PPP2R5E: variants seen among roughly 807,000 people sequenced by gnomAD.
PPP2R5E encodes serine/threonine-protein phosphatase 2A 56 kDa regulatory subunit epsilon isoform.
In PPP2R5E, 4 loss-of-function variants were observed where a neutral mutation model predicts 65.3. That is an observed-to-expected ratio of 0.06 (90% CI 0.03 to 0.14). The LOEUF is 0.14. PPP2R5E is among the 10% of genes least tolerant of loss of function. The pLI, the probability that PPP2R5E is intolerant of heterozygous loss-of-function variation, is 1.00. For missense variants in PPP2R5E, 274 were observed against 556.1 expected, an observed-to-expected ratio of 0.49 and a Z score of 5.10; for synonymous variants, 183 against 187.4, an observed-to-expected ratio of 0.98 and a Z score of 0.19.
chr14:63,508,174 T>G, intron 2 of PPP2R5E: 2 of 985,622 alleles, frequency 2.0e-6, no homozygotes, highest in Non-Finnish European at 2.4e-6. Flanking sequence ...CATTACCAAG[T>G]GTGTGCTCTT....
At chr14:63,470,087 T>C (rs1890040003) in intron 2 of PPP2R5E, among the ~76,000 whole-genome samples, 1 of 152,004 alleles carries the variant, frequency 6.6e-6, no homozygotes, top group Non-Finnish European at 1.5e-5. Flanking sequence ...CCCCACTTTT[T>C]TTGAGACAAG....
intron 4 of PPP2R5E, among the ~76,000 whole-genome samples, chr14:63,419,036 G>A (rs776336525): frequency 1.3e-5 from 2 of 151,942 alleles, no homozygotes; most frequent in African/African-American, 4.8e-5. Flanking sequence ...TCATAGAGGC[G>A]AGGTTTCACT....
At chr14:63,402,771 T>C (rs1053580036) in intron 5 of PPP2R5E, among the ~76,000 whole-genome samples, 2 of 151,852 alleles carry the variant, frequency 1.3e-5, no homozygotes, top group African/African-American at 4.8e-5. Context: ...CAATACATAA[T>C]AGCAATCCAG....
chr14:63,423,858 A>G (rs1887177261), intron 3 of PPP2R5E, among the ~76,000 whole-genome samples: 1 of 152,258 alleles, frequency 6.6e-6, no homozygotes. Flanking sequence ...AGTTAAAGCC[A>G]CAATTATCCC....
chr14:63,494,423 CAG>C (rs1177921919), intron 2 of PPP2R5E, among the ~76,000 whole-genome samples: 2 of 151,804 alleles, frequency 1.3e-5, no homozygotes, highest in Non-Finnish European at 2.9e-5. Context: ...TTAGTAGAGA[CAG>C]AGTCTTACCA....
At chr14:63,458,642 T>C (rs551513389) in intron 2 of PPP2R5E, among the ~76,000 whole-genome samples, 2 of 152,300 alleles carry the variant, frequency 1.3e-5, no homozygotes, top group South Asian at 4.1e-4. Context: ...AAAGAAAATG[T>C]GGACTGGCAA....
intron 13 of PPP2R5E, among the ~76,000 whole-genome samples, chr14:63,379,758 T>C (rs10139582): frequency 0.072 from 10,982 of 151,794 alleles, 534 homozygotes; most frequent in East Asian, 0.25. Flanking sequence ...ATAGTTTTAT[T>C]ATTGAAGTTC....
intron 2 of PPP2R5E, among the ~76,000 whole-genome samples, chr14:63,512,475 C>A (rs998258632): frequency 6.6e-6 from 1 of 152,102 alleles, no homozygotes; most frequent in Non-Finnish European, 1.5e-5. Flanking sequence ...TGATGATCAC[C>A]AATGTTTATA....
At chr14:63,435,189 G>A (rs763381040) in intron 3 of PPP2R5E, among the ~76,000 whole-genome samples, 16 of 151,926 alleles carry the variant, frequency 1.1e-4, no homozygotes, top group Non-Finnish European at 2.1e-4. Context: ...TAAATTCATT[G>A]AACGTTCATT....
At chr14:63,461,831 A>T (rs189014399) in intron 2 of PPP2R5E, among the ~76,000 whole-genome samples, 1 of 138,802 alleles carries the variant, frequency 7.2e-6, no homozygotes, top group Non-Finnish European at 1.5e-5. Flanking sequence ...GAGGGTTAGC[A>T]ATTACCCCTC....
chr14:63,448,543 C>T (rs1269215962), intron 3 of PPP2R5E, among the ~76,000 whole-genome samples: 2 of 152,108 alleles, frequency 1.3e-5, no homozygotes, highest in African/African-American at 2.4e-5. Context: ...GTAATCCCAG[C>T]ACTTTGGGAG....
rs1887463120 is a variant in PPP2R5E at position 63,428,590 on chromosome 14, C to CT, written c.355-6497dup. Among the ~76,000 whole-genome samples the CT allele has an allele frequency of 3.9e-5, 6 of 152,194 alleles. No individual in the cohort carries two copies. In the South Asian group the frequency reaches 1.2e-3, roughly 32 times the overall value. ...TGCTTGCTTTCAGGGCCCGGCTGCTCTATTATTTTTCAGTACATTAGTTTA... is the reference window on the plus strand; with the variant it reads ...TGCTTGCTTTCAGGGCCCGGCTGCTCTTATTATTTTTCAGTACATTAGTTTA... On this transcript the variant is annotated intron_variant, in intron 3 of 13. Coordinates refer to ENST00000337537, the MANE Select transcript of PPP2R5E (RefSeq NM_006246.5).
intron 2 of PPP2R5E, among the ~76,000 whole-genome samples, chr14:63,489,881 G>A (rs1057278423): frequency 6.6e-6 from 1 of 151,978 alleles, no homozygotes; most frequent in Admixed American, 6.6e-5. Flanking sequence ...CTAGAAAACT[G>A]GCACACGCAC....
chr14:63,463,615 G>C lies in PPP2R5E; in HGVS notation c.158-9730C>G, dbSNP rs113325246. Among the ~76,000 whole-genome samples, 705 of 103,828 alleles carry C rather than the reference G, an allele frequency of 6.8e-3. 3 individuals carry two copies. The highest frequency in any genetic ancestry group is 0.025 in the African/African-American group (671 of 27,182). The allele number at this position is 103,828 out of a possible 152,430, so 68.1% of individuals were successfully genotyped here. A position where few individuals can be genotyped will look rare whatever the true frequency, so the allele number is the denominator to read the frequency against. On this transcript the variant is annotated intron_variant, in intron 2 of 13. Coordinates refer to ENST00000337537, the MANE Select transcript of PPP2R5E (RefSeq NM_006246.5). The stretch of plus-strand genomic sequence containing the variant: ...CTCGAATTCGCTTTTTTTTTTTTTT[G>C]ATACGGAGTCTAGCTCTGTCACCCA...
At chr14:63,472,058 T>C (rs1890160744) in intron 2 of PPP2R5E, among the ~76,000 whole-genome samples, 3 of 152,324 alleles carry the variant, frequency 2.0e-5, no homozygotes, top group South Asian at 2.1e-4. Context: ...CCCAGCACTG[T>C]TGGAGGCCAA....
intron 2 of PPP2R5E, among the ~76,000 whole-genome samples, chr14:63,501,171 G>A (rs535589949): frequency 1.1e-3 from 164 of 152,118 alleles, no homozygotes; most frequent in African/African-American, 3.1e-3. Context: ...AGGCCGAGGC[G>A]GGCAGATCAC....
At chr14:63,476,790 T>C (rs1890433498) in intron 2 of PPP2R5E, among the ~76,000 whole-genome samples, 1 of 152,134 alleles carries the variant, frequency 6.6e-6, no homozygotes, top group Non-Finnish European at 1.5e-5. Context: ...CATCTATAAA[T>C]TACTTATTCA....
intron 3 of PPP2R5E, among the ~76,000 whole-genome samples, chr14:63,423,516 C>A (rs1259952577): frequency 2.0e-5 from 3 of 152,046 alleles, no homozygotes; most frequent in African/African-American, 7.3e-5. Context: ...TCCTAATGAC[C>A]CAAACATATC....
intron 3 of PPP2R5E, among the ~76,000 whole-genome samples, chr14:63,426,888 G>A (rs1257938303): frequency 2.0e-5 from 3 of 152,114 alleles, no homozygotes; most frequent in Non-Finnish European, 4.4e-5. Context: ...AAGCGGGGAG[G>A]CGTGTCTCTA....
Sources: allele counts gnomAD v4.1 joint callset (sites outside exome capture counted in the v4.1 genomes callset), GRCh38; gene constraint gnomAD v4.1.1; transcripts MANE v1.5; gene names NCBI Gene and HGNC (gene_info 2026-07-23, HGNC 2026-07-21).